FHIT: variants seen among roughly 807,000 people sequenced by gnomAD.
FHIT encodes bis(5'-adenosyl)-triphosphatase.
Under a neutral mutation model 17.9 loss-of-function variants are expected in FHIT, and 19 were observed. The ratio of observed to expected loss-of-function variants is 1.06; its 90% confidence interval spans 0.74 to 1.56. The LOEUF (loss-of-function observed/expected upper bound fraction) is 1.56. FHIT is among the 40% of genes most tolerant of loss of function. The pLI is 0.00. For synonymous variants in FHIT, 81 were observed against 69.7 expected, an observed-to-expected ratio of 1.16 and a Z score of -0.81; for missense variants, 248 against 189.2, an observed-to-expected ratio of 1.31 and a Z score of -1.82.
intron 8 of FHIT, among the ~76,000 whole-genome samples, chr3:59,909,493 C>T (rs1349850516): frequency 6.6e-6 from 1 of 152,096 alleles, no homozygotes; most frequent in Non-Finnish European, 1.5e-5. Context: ...CCACACCTGG[C>T]TAATTTTTGT....
chr3:61,215,843 T>A (rs567688463), intron 1 of FHIT, among the ~76,000 whole-genome samples: 105 of 152,318 alleles, frequency 6.9e-4, no homozygotes, highest in African/African-American at 2.5e-3. Context: ...TAATGCCGCA[T>A]ATCTGCAACT....
intron 1 of FHIT, among the ~76,000 whole-genome samples, chr3:61,208,918 T>C (rs1040712025): frequency 6.6e-6 from 1 of 152,090 alleles, no homozygotes; most frequent in African/African-American, 2.4e-5. Context: ...GCCTTGATGG[T>C]CTTTAAAATT....
chr3:61,058,851 T>C (rs574969161), intron 2 of FHIT, among the ~76,000 whole-genome samples: 2 of 152,296 alleles, frequency 1.3e-5, no homozygotes, highest in African/African-American at 4.8e-5. Context: ...AAATAAACAA[T>C]GTCCAGAGAA....
intron 4 of FHIT, among the ~76,000 whole-genome samples, chr3:60,747,827 T>G (rs775865176): frequency 4.6e-5 from 7 of 152,168 alleles, no homozygotes; most frequent in African/African-American, 1.7e-4. Flanking sequence ...TTTTTCAAGG[T>G]TATATAATCA....
At chr3:60,449,109 G>A (rs1278159152) in intron 5 of FHIT, among the ~76,000 whole-genome samples, 1 of 152,190 alleles carries the variant, frequency 6.6e-6, no homozygotes, top group African/African-American at 2.4e-5. Flanking sequence ...GAATGCGGCT[G>A]TTAACTACCT....
chr3:60,792,170 C>G (rs1416401968), intron 4 of FHIT, among the ~76,000 whole-genome samples: 1 of 152,192 alleles, frequency 6.6e-6, no homozygotes. Context: ...ACTCCTCTTG[C>G]ATAAATAAAT....
chr3:60,948,523 T>G (rs1575736872), intron 3 of FHIT, among the ~76,000 whole-genome samples: 1 of 152,194 alleles, frequency 6.6e-6, no homozygotes, highest in Non-Finnish European at 1.5e-5. Flanking sequence ...TATTCCAGAC[T>G]GTGGCCACTG....
chr3:61,232,552 C>A (rs1326158195), intron 1 of FHIT, among the ~76,000 whole-genome samples: 1 of 152,190 alleles, frequency 6.6e-6, no homozygotes, highest in Non-Finnish European at 1.5e-5. Context: ...AAAACTCTCT[C>A]ATAATCAAAG....
chr3:61,176,617 C>G (rs1168771003), intron 2 of FHIT, among the ~76,000 whole-genome samples: 1 of 152,154 alleles, frequency 6.6e-6, no homozygotes, highest in East Asian at 1.9e-4. Flanking sequence ...TCGAGGTTAA[C>G]CTGAAACTCA....
intron 5 of FHIT, among the ~76,000 whole-genome samples, chr3:60,188,398 T>C (rs1348041532): frequency 2.0e-5 from 3 of 152,134 alleles, no homozygotes; most frequent in Non-Finnish European, 4.4e-5. Flanking sequence ...TTTGGCTTTA[T>C]TTTTTAGTTG....
At chr3:60,245,021 G>A (rs1054333739) in intron 5 of FHIT, among the ~76,000 whole-genome samples, 4 of 151,884 alleles carry the variant, frequency 2.6e-5, no homozygotes, top group South Asian at 2.1e-4. Context: ...TGTGTTTAGC[G>A]GCAGCAGCTG....
intron 8 of FHIT, among the ~76,000 whole-genome samples, chr3:59,861,821 G>A (rs1298755627): frequency 6.6e-6 from 1 of 151,968 alleles, no homozygotes; most frequent in Non-Finnish European, 1.5e-5. Context: ...TACAGCTGAG[G>A]AAGAAATTAT....
At chr3:61,053,794 C>T (rs1434807258) in intron 2 of FHIT, among the ~76,000 whole-genome samples, 4 of 151,960 alleles carry the variant, frequency 2.6e-5, no homozygotes, top group African/African-American at 9.7e-5. Flanking sequence ...TAAAGGAGGG[C>T]AAGGAAAGGC....
At chr3:60,515,145 G>C (rs1034959666) in intron 5 of FHIT, among the ~76,000 whole-genome samples, 1 of 152,126 alleles carries the variant, frequency 6.6e-6, no homozygotes, top group Non-Finnish European at 1.5e-5. Flanking sequence ...AGGGAGAGCT[G>C]CTAGATAAAC....
intron 5 of FHIT, among the ~76,000 whole-genome samples, chr3:60,473,166 TG>T: frequency 6.6e-6 from 1 of 152,302 alleles, no homozygotes; most frequent in East Asian, 1.9e-4. Flanking sequence ...CACTTGAAAG[TG>T]GTACTACTCT....
At chr3:60,157,234 C>T (rs771676770) in intron 5 of FHIT, among the ~76,000 whole-genome samples, 1 of 152,074 alleles carries the variant, frequency 6.6e-6, no homozygotes, top group Admixed American at 6.6e-5. Flanking sequence ...AAGCATGGTA[C>T]GAAAGACCAC....
intron 7 of FHIT, among the ~76,000 whole-genome samples, chr3:59,986,758 A>ATTTATATAAATATATGTATATTTATAT (rs1708973875): frequency 3.0e-5 from 1 of 33,888 alleles, no homozygotes; most frequent in Non-Finnish European, 5.8e-5. Flanking sequence ...ATATATATAT[A>ATTTATATAAATATATGTATATTTATAT]AATATATTTA....
At chr3:61,006,222 T>C (rs1357221374) in intron 3 of FHIT, among the ~76,000 whole-genome samples, 1 of 152,198 alleles carries the variant, frequency 6.6e-6, no homozygotes, top group Non-Finnish European at 1.5e-5. Flanking sequence ...TCTTTTAATA[T>C]GGATTAGTGC....
intron 7 of FHIT, among the ~76,000 whole-genome samples, chr3:59,947,522 G>A (rs1401939129): frequency 6.6e-6 from 1 of 152,010 alleles, no homozygotes; most frequent in Non-Finnish European, 1.5e-5. Flanking sequence ...GTTTAGCTCC[G>A]ATTTTATTTG....
Sources: allele counts gnomAD v4.1 joint callset (sites outside exome capture counted in the v4.1 genomes callset), GRCh38; gene constraint gnomAD v4.1.1; transcripts MANE v1.5; gene names NCBI Gene and HGNC (gene_info 2026-07-23, HGNC 2026-07-21).